The following SLC12A6 variants were observed in gnomAD, a reference collection of about 807,000 sequenced individuals.
SLC12A6 encodes the protein K-Cl cotransporter 3.
SLC12A6 carries 66 observed loss-of-function variants against 135.3 expected under a neutral mutation model. That is an observed-to-expected ratio of 0.49 (90% CI 0.40 to 0.60). The LOEUF is 0.60. Among genes scored for constraint, SLC12A6 ranks in the 20% least tolerant of loss-of-function variants. The probability of loss-of-function intolerance (pLI) is 0.00; values close to 1 mark genes in which losing one functional copy is unlikely to be tolerated. For synonymous variants in SLC12A6, 513 were observed against 508.8 expected (o/e 1.01, Z -0.11); for missense variants, 1,058 against 1,452.3 (o/e 0.73, Z 4.41).
intron 2 of SLC12A6, among the ~76,000 whole-genome samples, chr15:34,319,070 A>G (rs925708828): frequency 6.6e-6 from 1 of 151,678 alleles, no homozygotes; most frequent in Non-Finnish European, 1.5e-5. Flanking sequence ...TCTTATCTGC[A>G]TGTCATGATC....
chr15:34,319,019 T>C (rs12906625), intron 2 of SLC12A6, among the ~76,000 whole-genome samples: 2 of 152,194 alleles, frequency 1.3e-5, no homozygotes, highest in Non-Finnish European at 2.9e-5. Flanking sequence ...TGAACTACTG[T>C]CTACCGCTTG....
chr15:34,244,299 G>A (rs769307387), intron 15 of SLC12A6, among the ~76,000 whole-genome samples: 1 of 152,134 alleles, frequency 6.6e-6, no homozygotes, highest in South Asian at 2.1e-4. Flanking sequence ...GGATAATCCA[G>A]GTTTCCTCTT....
intron 2 of SLC12A6, among the ~76,000 whole-genome samples, chr15:34,334,887 G>T (rs1195473815): frequency 6.6e-6 from 1 of 152,152 alleles, no homozygotes; most frequent in South Asian, 2.1e-4. Flanking sequence ...ACTGGACAAG[G>T]AACCTGTTCT....
intron 6 of SLC12A6, among the ~76,000 whole-genome samples, chr15:34,257,142 A>C (rs972943066): frequency 2.6e-5 from 4 of 152,230 alleles, no homozygotes; most frequent in African/African-American, 9.6e-5. Context: ...GTTTAAATTA[A>C]AGGAAGATAA....
intron 2 of SLC12A6, among the ~76,000 whole-genome samples, chr15:34,308,377 C>A (rs939893809): frequency 2.0e-5 from 3 of 152,114 alleles, no homozygotes; most frequent in Non-Finnish European, 4.4e-5. Flanking sequence ...GTAATCCCAG[C>A]ACTTTGGGAG....
intron 5 of SLC12A6, 56 bp from the exon 6 acceptor site, chr15:34,257,844 A>G: frequency 7.9e-7 from 1 of 1,267,806 alleles, no homozygotes; most frequent in East Asian, 2.3e-5. Context: ...AGAGGTTTTT[A>G]TTCTTTTATG....
chr15:34,286,803 C>T (rs1462830155), intron 2 of SLC12A6, among the ~76,000 whole-genome samples: 2 of 152,016 alleles, frequency 1.3e-5, no homozygotes, highest in Non-Finnish European at 1.5e-5. Flanking sequence ...TAAAAAATTT[C>T]CCTATGTGCA....
chr15:34,285,363 A>G lies in SLC12A6; in HGVS notation c.272-9974T>C, dbSNP rs147815840. Among the ~76,000 whole-genome samples, 108 of 152,294 alleles carry G rather than the reference A, an allele frequency of 7.1e-4. No individual in the cohort carries two copies. In the Middle Eastern group the frequency reaches 0.01, roughly 14 times the overall value. On this transcript the variant is annotated intron_variant, in intron 2 of 25. Transcript: ENST00000354181. ...AGGGACTGACAAGATTGGCATGCTG[A>G]TGATTGGCTACAGGGTGGGAGAGAA...
intron 2 of SLC12A6, among the ~76,000 whole-genome samples, chr15:34,331,393 G>A (rs1300865911): frequency 6.6e-6 from 1 of 152,156 alleles, no homozygotes; most frequent in Non-Finnish European, 1.5e-5. Flanking sequence ...CGCCCGCCTT[G>A]GCCTCCCAAA....
intron 2 of SLC12A6, among the ~76,000 whole-genome samples, chr15:34,285,648 C>T (rs1894997845): frequency 7.1e-6 from 1 of 140,630 alleles, no homozygotes; most frequent in Non-Finnish European, 1.5e-5. Flanking sequence ...GAGGTGGAAG[C>T]AATCCAAATG....
chr15:34,237,529 G>GT lies in SLC12A6; in HGVS notation c.2823dup (p.Arg942ThrfsTer29), dbSNP rs759600455. ...TCTAATTGGGCTACTGTGAAGATCCGTATGCTGCACTTTCGCCACACCTGA... is the reference window on the plus strand; with the variant it reads ...TCTAATTGGGCTACTGTGAAGATCCGTTATGCTGCACTTTCGCCACACCTGA... On this transcript the variant is annotated frameshift_variant, in exon 22 of 26. Transcript: ENST00000354181. LOFTEE classifies it high-confidence loss of function. The GT allele has an allele frequency of 6.2e-7, 1 of 1,611,726 alleles. No homozygotes were observed.
At chr15:34,261,857 G>A (rs892059507) in intron 3 of SLC12A6, among the ~76,000 whole-genome samples, 2 of 152,156 alleles carry the variant, frequency 1.3e-5, no homozygotes, top group Admixed American at 6.5e-5. Context: ...AAAAATAACA[G>A]ATGTTGGCAA....
chr15:34,278,809 T>G (rs1038472854), intron 2 of SLC12A6, among the ~76,000 whole-genome samples: 4 of 151,922 alleles, frequency 2.6e-5, no homozygotes, highest in African/African-American at 9.7e-5. Flanking sequence ...GACCTCATGA[T>G]CCACCTGCCT....
At chr15:34,317,294 C>A (rs2141108679) in intron 2 of SLC12A6, among the ~76,000 whole-genome samples, 1 of 152,274 alleles carries the variant, frequency 6.6e-6, no homozygotes, top group East Asian at 1.9e-4. Context: ...AAACAAGATT[C>A]ATAAAAATTC....
intron 3 of SLC12A6, among the ~76,000 whole-genome samples, chr15:34,270,831 C>CAA (rs60975779): frequency 1.7e-4 from 20 of 118,906 alleles, no homozygotes; most frequent in African/African-American, 5.8e-4. Context: ...AAACAAAAAA[C>CAA]AAAAAAAAAA....
intron 2 of SLC12A6, among the ~76,000 whole-genome samples, chr15:34,310,220 G>A (rs989108014): frequency 1.5e-5 from 2 of 133,534 alleles, no homozygotes; most frequent in Admixed American, 7.3e-5. Flanking sequence ...CCTGTGTCCA[G>A]GCTAGTGTTG....
chr15:34,313,091 C>G lies in SLC12A6; in HGVS notation c.271+23319G>C, dbSNP rs371218725. Among the ~76,000 whole-genome samples, 17 of 152,290 alleles carry G rather than the reference C, an allele frequency of 1.1e-4. No homozygotes were observed. The East Asian group carries it at 3.3e-3, about 29-fold the overall frequency. ...GGCCAGTTAATAAACCCACATTGGC[C>G]TCTAAGTTTTCAAGTGAAAAGATGT... On this transcript the variant is annotated intron_variant, in intron 2 of 25. Coordinates refer to ENST00000354181, the MANE Select transcript of SLC12A6 (RefSeq NM_001365088.1).
chr15:34,237,039 G>T, intron 22 of SLC12A6: 1 of 542,544 alleles, frequency 1.8e-6, no homozygotes, highest in Non-Finnish European at 3.3e-6. Context: ...ACCAAGACAT[G>T]TGTTGCCTTG....
In SLC12A6 at chr15:34,244,098, G is replaced by A. The variant is rs34807905; in HGVS notation, c.1944-26C>T. 49,305 of 1,181,948 alleles carry A rather than the reference G, an allele frequency of 0.042. 1,165 individuals are homozygous for A. The highest frequency in any genetic ancestry group is 0.046 in the Non-Finnish European group (35,973 of 785,224). The allele number at this position is 1,181,948 out of a possible 1,614,324, so 73.2% of individuals were successfully genotyped here. On this transcript the variant is annotated intron_variant, in intron 15 of 25. Coordinates refer to ENST00000354181, the MANE Select transcript of SLC12A6 (RefSeq NM_001365088.1). The stretch of plus-strand genomic sequence containing the variant: ...CTGAAGAATAAAGAGTAAGAGGAAT[G>A]ATTATTACTGGAAGATGATTCTTTG...
Sources: gnomAD v4.1 joint callset for allele counts (sites outside exome capture counted in the v4.1 genomes callset) on GRCh38, gnomAD v4.1.1 for gene constraint, MANE v1.5 for transcripts, NCBI Gene and HGNC (gene_info 2026-07-23, HGNC 2026-07-21) for gene names.